The following GABRG1 variants were observed in gnomAD, a reference collection of about 807,000 sequenced individuals.
GABRG1 encodes the protein gamma-aminobutyric acid type A receptor subunit gamma1.
GABRG1 carries 49 observed loss-of-function variants against 49.8 expected under a neutral mutation model. That is an observed-to-expected ratio of 0.98 (90% CI 0.78 to 1.25). The LOEUF is 1.25. Among genes scored for constraint, GABRG1 ranks in the 50% most tolerant of loss-of-function variants. The probability of loss-of-function intolerance (pLI) is 0.00; values close to 1 mark genes in which losing one functional copy is unlikely to be tolerated. For missense variants in GABRG1, 552 were observed against 552.3 expected, an observed-to-expected ratio of 1.00 and a Z score of 0.01; for synonymous variants, 232 against 185.1, an observed-to-expected ratio of 1.25 and a Z score of -2.06.
At chr4:46,058,664 A>T (rs775396111) in intron 5 of GABRG1, 42 bp from the exon 6 acceptor site, 1 of 1,513,722 alleles carries the variant, frequency 6.6e-7, no homozygotes, top group Admixed American at 1.8e-5. Flanking sequence ...TCCAAATTTG[A>T]TACCATTGCA....
chr4:46,124,033 C>T lies in GABRG1; in HGVS notation c.-120G>A. The T allele has an allele frequency of 1.4e-6, 1 of 701,458 alleles. No homozygotes were observed. Among genetic ancestry groups the T allele is most frequent in the Non-Finnish European group, 2.5e-6 (1 of 402,832 alleles). The allele number at this position is 701,458 out of a possible 1,614,324, so 43.5% of individuals were successfully genotyped here. A position where few individuals can be genotyped will look rare whatever the true frequency, so the allele number is the denominator to read the frequency against. On this transcript the variant is annotated 5_prime_UTR_variant, in exon 1 of 9. Transcript: ENST00000295452. The stretch of plus-strand genomic sequence containing the variant: ...AGAGTGTGGAAAGGCAGTGCACCTC[C>T]CAAACAGGTAGGATGCGACTCCCAG...
At chr4:46,089,426 C>T (rs1186428593) in intron 2 of GABRG1, among the ~76,000 whole-genome samples, 1 of 151,958 alleles carries the variant, frequency 6.6e-6, no homozygotes, top group Non-Finnish European at 1.5e-5. Context: ...TTATATCTCC[C>T]CCATGTCCCC....
At chr4:46,046,954 C>T (rs368791774) in intron 8 of GABRG1, among the ~76,000 whole-genome samples, 1 of 152,090 alleles carries the variant, frequency 6.6e-6, no homozygotes, top group Non-Finnish European at 1.5e-5. Flanking sequence ...TTTTGCACAA[C>T]CTGGCCATAA....
chr4:46,086,411 C>A (rs1020377721), intron 2 of GABRG1, among the ~76,000 whole-genome samples: 1 of 151,432 alleles, frequency 6.6e-6, no homozygotes, highest in African/African-American at 2.4e-5. Flanking sequence ...TTTTAAAAAT[C>A]TTTTCTTTAT....
At chr4:46,109,183 G>C (rs11943042) in intron 1 of GABRG1, among the ~76,000 whole-genome samples, 14,207 of 150,462 alleles carry the variant, frequency 0.094, 1,660 homozygotes, top group African/African-American at 0.28. Context: ...TTTTAATACT[G>C]ATTCAATTTT....
intron 3 of GABRG1, among the ~76,000 whole-genome samples, chr4:46,079,817 G>T (rs572433169): frequency 2.8e-4 from 43 of 151,814 alleles, no homozygotes; most frequent in Non-Finnish European, 6.2e-4. Flanking sequence ...AACACCGTGA[G>T]ATATTTACTC....
chr4:46,058,726 T>G (rs893940524), intron 5 of GABRG1, 104 bp from the exon 6 acceptor site: 1 of 801,496 alleles, frequency 1.2e-6, no homozygotes, highest in African/African-American at 1.7e-5. Context: ...TCTTTTTTTA[T>G]TACAAGATAT....
intron 1 of GABRG1, among the ~76,000 whole-genome samples, chr4:46,117,755 T>A (rs1421143438): frequency 7.0e-6 from 1 of 143,184 alleles, no homozygotes; most frequent in East Asian, 2.0e-4. Context: ...TATACATACA[T>A]GTATATACAT....
intron 7 of GABRG1, among the ~76,000 whole-genome samples, chr4:46,054,888 G>GA (rs1334499042): frequency 3.7e-5 from 2 of 54,774 alleles, no homozygotes; most frequent in African/African-American, 2.1e-4. Context: ...ACACTATGTT[G>GA]AATAGGAGCG....
intron 5 of GABRG1, among the ~76,000 whole-genome samples, chr4:46,061,154 T>C (rs1179740133): frequency 6.6e-6 from 1 of 152,202 alleles, no homozygotes; most frequent in African/African-American, 2.4e-5. Flanking sequence ...GTACAACTGC[T>C]ACATCAATTA....
rs931950543 is a variant in GABRG1 at position 46,039,719 on chromosome 4, T to A, written c.*1269A>T. 5.3e-5 allele frequency: 8 copies of A among 151,782 alleles called. No homozygotes were observed. Among genetic ancestry groups the A allele is most frequent in the African/African-American group, 1.9e-4 (8 of 41,414 alleles). 9.4% of individuals were successfully genotyped at this position (151,782 alleles called of 1,614,324 possible). ...TTATTCTTAACAAAAGAGACATTTT[T>A]AAAACTATTAACTGATAGATTTTAC... On this transcript the variant is annotated 3_prime_UTR_variant, in exon 9 of 9. Transcript: ENST00000295452.
intron 8 of GABRG1, among the ~76,000 whole-genome samples, chr4:46,042,040 A>T (rs1717806520): frequency 6.6e-6 from 1 of 152,032 alleles, no homozygotes; most frequent in Non-Finnish European, 1.5e-5. Context: ...AAAAAGTGAA[A>T]GTATTATTCT....
chr4:46,055,244 AC>A (rs1718389474), intron 7 of GABRG1, among the ~76,000 whole-genome samples: 1 of 10,534 alleles, frequency 9.5e-5, no homozygotes, highest in African/African-American at 5.6e-4. Flanking sequence ...ATGAACTCAA[AC>A]AAATTTACAA....
intron 1 of GABRG1, among the ~76,000 whole-genome samples, chr4:46,098,293 C>T (rs1384540816): frequency 6.6e-6 from 1 of 151,612 alleles, no homozygotes; most frequent in Non-Finnish European, 1.5e-5. Context: ...ATAAGTAACG[C>T]CATCTTCTTT....
intron 2 of GABRG1, among the ~76,000 whole-genome samples, chr4:46,088,651 C>T (rs1719867158): frequency 6.6e-6 from 1 of 151,716 alleles, no homozygotes; most frequent in African/African-American, 2.4e-5. Context: ...CCTGAGCATT[C>T]GCATATAGAA....
chr4:46,061,159 C>T (rs540572892), intron 5 of GABRG1, among the ~76,000 whole-genome samples: 1 of 152,216 alleles, frequency 6.6e-6, no homozygotes, highest in African/African-American at 2.4e-5. Flanking sequence ...ACTGCTACAT[C>T]AATTATTGCA....
At chr4:46,105,545 T>C (rs537400307) in intron 1 of GABRG1, among the ~76,000 whole-genome samples, 79 of 151,544 alleles carry the variant, frequency 5.2e-4, no homozygotes, top group South Asian at 1.5e-3. Flanking sequence ...AAGGGGATGT[T>C]TTAAAAGGAC....
intron 2 of GABRG1, among the ~76,000 whole-genome samples, chr4:46,085,856 A>G (rs1028410451): frequency 2.6e-5 from 4 of 151,600 alleles, no homozygotes; most frequent in African/African-American, 9.7e-5. Context: ...CAATTGCAAG[A>G]TATGAGTGAT....
chr4:46,101,744 A>T (rs984515329), intron 1 of GABRG1, among the ~76,000 whole-genome samples: 2 of 151,766 alleles, frequency 1.3e-5, no homozygotes, highest in African/African-American at 2.4e-5. Context: ...TAACAATAAG[A>T]GTATGTTTAA....
Sources: gnomAD v4.1 joint callset for allele counts (sites outside exome capture counted in the v4.1 genomes callset) on GRCh38, gnomAD v4.1.1 for gene constraint, MANE v1.5 for transcripts, NCBI Gene and HGNC (gene_info 2026-07-23, HGNC 2026-07-21) for gene names.